The following NKAIN2 variants were observed in gnomAD, a reference collection of about 807,000 sequenced individuals.
NKAIN2 encodes the protein sodium/potassium-transporting ATPase subunit beta-1-interacting protein 2.
A neutral mutation model predicts 32.6 loss-of-function variants in NKAIN2; 14 were observed. That is an observed-to-expected ratio of 0.43 (90% confidence interval 0.28 to 0.67). The LOEUF is 0.67. Ranked by LOEUF, NKAIN2 falls within the 30% of genes least tolerant of loss-of-function variation. The pLI, the probability that NKAIN2 is intolerant of heterozygous loss-of-function variation, is 0.17. For missense variants in NKAIN2, 198 were observed against 258.3 expected, an observed-to-expected ratio of 0.77 and a Z score of 1.60; for synonymous variants, 80 against 87.2, an observed-to-expected ratio of 0.92 and a Z score of 0.46.
At chr6:124,361,924 TC>T (rs1799307123) in intron 3 of NKAIN2, among the ~76,000 whole-genome samples, 1 of 152,152 alleles carries the variant, frequency 6.6e-6, no homozygotes, top group Non-Finnish European at 1.5e-5. Flanking sequence ...ATATTTGGAT[TC>T]TTTTGCTCAA....
chr6:124,245,827 G>T (rs1166769066), intron 1 of NKAIN2, among the ~76,000 whole-genome samples: 1 of 151,998 alleles, frequency 6.6e-6, no homozygotes, highest in African/African-American at 2.4e-5. Context: ...TGTGAAAGGG[G>T]CATATTAAGA....
chr6:124,592,041 C>T (rs768350122), intron 3 of NKAIN2, among the ~76,000 whole-genome samples: 2 of 152,132 alleles, frequency 1.3e-5, no homozygotes, highest in Non-Finnish European at 2.9e-5. Flanking sequence ...AAAATTCATA[C>T]ACTTTCTATA....
intron 1 of NKAIN2, among the ~76,000 whole-genome samples, chr6:123,994,456 G>C (rs1779534939): frequency 6.6e-6 from 1 of 152,076 alleles, no homozygotes; most frequent in South Asian, 2.1e-4. Context: ...GTCTGATGTA[G>C]ACAGGATTTA....
chr6:124,043,764 T>G (rs919222313), intron 1 of NKAIN2, among the ~76,000 whole-genome samples: 3 of 152,066 alleles, frequency 2.0e-5, no homozygotes, highest in Non-Finnish European at 4.4e-5. Flanking sequence ...TCAAATCTAT[T>G]TTGAACATAT....
chr6:124,240,392 TTA>T (rs1299388593), intron 1 of NKAIN2, among the ~76,000 whole-genome samples: 2 of 152,266 alleles, frequency 1.3e-5, no homozygotes, highest in Non-Finnish European at 2.9e-5. Flanking sequence ...CTAACTCATT[TTA>T]TGAGGCCAGC....
rs898855564 is a variant in NKAIN2 at position 123,884,119 on chromosome 6, A to G, written c.54+79865A>G. ...GATCCTCTCCCTCCTCCCACCCTCC[A>G]TCCTCTGAAAGGCCCCAGTGTGTGT... is the stretch of plus-strand genomic sequence containing the variant. On this transcript the variant is annotated intron_variant, in intron 1 of 6. Transcript: ENST00000368417. 4.0e-5 allele frequency among the ~76,000 whole-genome samples: 6 copies of G among 151,730 alleles called. No individual in the cohort carries two copies. The East Asian group carries it at 9.7e-4, about 25-fold the overall frequency.
At chr6:124,629,031 A>G (rs2114297716) in intron 3 of NKAIN2, among the ~76,000 whole-genome samples, 1 of 152,284 alleles carries the variant, frequency 6.6e-6, no homozygotes, top group Non-Finnish European at 1.5e-5. Context: ...TTATCCATCA[A>G]GTCAGTCATG....
chr6:124,055,886 G>T (rs1366345177), intron 1 of NKAIN2, among the ~76,000 whole-genome samples: 2 of 152,034 alleles, frequency 1.3e-5, no homozygotes, highest in East Asian at 1.9e-4. Flanking sequence ...TAAACTACAT[G>T]ACCAGATGTG....
chr6:124,734,061 GCACACA>G (rs61526747), intron 4 of NKAIN2, among the ~76,000 whole-genome samples: 122 of 145,176 alleles, frequency 8.4e-4, no homozygotes, highest in East Asian at 3.5e-3. Flanking sequence ...ATGAGGAAAT[GCACACA>G]CACACACACA....
At chr6:124,189,822 G>T (rs947349163) in intron 1 of NKAIN2, among the ~76,000 whole-genome samples, 3 of 152,228 alleles carry the variant, frequency 2.0e-5, no homozygotes, top group Non-Finnish European at 4.4e-5. Context: ...TGCACACACG[G>T]AGGGAAGAAA....
At chr6:124,205,274 A>G (rs112509770) in intron 1 of NKAIN2, among the ~76,000 whole-genome samples, 4 of 151,890 alleles carry the variant, frequency 2.6e-5, no homozygotes, top group Non-Finnish European at 5.9e-5. Context: ...ATGCTTCTAC[A>G]CGAATTTTCC....
At chr6:123,954,550 A>G (rs779640286) in intron 1 of NKAIN2, among the ~76,000 whole-genome samples, 32 of 152,208 alleles carry the variant, frequency 2.1e-4, no homozygotes, top group Admixed American at 5.9e-4. Flanking sequence ...TTTCTCTTAG[A>G]TGATTGTATT....
At chr6:123,992,108 G>A (rs932117894) in intron 1 of NKAIN2, among the ~76,000 whole-genome samples, 37 of 152,096 alleles carry the variant, frequency 2.4e-4, no homozygotes, top group Non-Finnish European at 1.2e-4. Flanking sequence ...TTTCTGGGCT[G>A]GCAGTGGAGG....
chr6:124,523,183 TTCTA>T (rs1779188367), intron 3 of NKAIN2, among the ~76,000 whole-genome samples: 3 of 151,994 alleles, frequency 2.0e-5, no homozygotes, highest in African/African-American at 7.2e-5. Context: ...TGAATTTTTT[TTCTA>T]TCTAACTATT....
At chr6:124,771,382 C>G (rs943423959) in intron 4 of NKAIN2, among the ~76,000 whole-genome samples, 2 of 152,058 alleles carry the variant, frequency 1.3e-5, no homozygotes, top group African/African-American at 4.8e-5. Flanking sequence ...ATAATTGAAC[C>G]AACAGGTGTG....
At chr6:124,391,925 GTTGT>G (rs1334557333) in intron 3 of NKAIN2, among the ~76,000 whole-genome samples, 1 of 152,026 alleles carries the variant, frequency 6.6e-6, no homozygotes, top group Non-Finnish European at 1.5e-5. Context: ...AGCACTTCTG[GTTGT>G]TTGTATGAAA....
At chr6:124,581,266 C>T (rs60167649) in intron 3 of NKAIN2, among the ~76,000 whole-genome samples, 2,640 of 151,582 alleles carry the variant, frequency 0.017, 83 homozygotes, top group African/African-American at 0.061. Context: ...GGTGAAACCC[C>T]GTCTCTACTA....
intron 3 of NKAIN2, among the ~76,000 whole-genome samples, chr6:124,481,674 G>A (rs534149610): frequency 1.3e-5 from 2 of 152,080 alleles, no homozygotes; most frequent in African/African-American, 2.4e-5. Context: ...CCAGGTTTTT[G>A]TATTAAAGCA....
chr6:124,036,521 A>G (rs1781610548), intron 1 of NKAIN2, among the ~76,000 whole-genome samples: 3 of 152,234 alleles, frequency 2.0e-5, no homozygotes, highest in South Asian at 2.1e-4. Flanking sequence ...TTTAGAACCA[A>G]GAATCTTTCA....
Sources: allele counts gnomAD v4.1 joint callset (sites outside exome capture counted in the v4.1 genomes callset), GRCh38; gene constraint gnomAD v4.1.1; transcripts MANE v1.5; gene names NCBI Gene and HGNC (gene_info 2026-07-23, HGNC 2026-07-21).